ZNF143: variants seen among roughly 807,000 people sequenced by gnomAD.
ZNF143 encodes SPH-binding factor.
A neutral mutation model predicts 74.1 loss-of-function variants in ZNF143; 49 were observed. That is an observed-to-expected ratio of 0.66 (90% confidence interval 0.53 to 0.84). ZNF143 has a LOEUF of 0.84. Ranked by LOEUF, ZNF143 falls within the 40% of genes least tolerant of loss-of-function variation. The pLI is 0.00. For synonymous variants in ZNF143, 304 were observed against 282.8 expected, an observed-to-expected ratio of 1.07 and a Z score of -0.75; for missense variants, 637 against 793.4, an observed-to-expected ratio of 0.80 and a Z score of 2.37.
intron 1 of ZNF143, among the ~76,000 whole-genome samples, chr11:9,469,374 G>A (rs1038099624): frequency 6.6e-6 from 1 of 151,792 alleles, no homozygotes; most frequent in African/African-American, 2.4e-5. Flanking sequence ...TGGGATTACA[G>A]GCGTGCACCA....
At chr11:9,490,294 C>CTTTTTTTTTTTTTTTTTTTTTTTGTT in intron 7 of ZNF143, among the ~76,000 whole-genome samples, 1 of 94,016 alleles carries the variant, frequency 1.1e-5, no homozygotes, top group Non-Finnish European at 2.0e-5. Context: ...TTTTTTTTTG[C>CTTTTTTTTTTTTTTTTTTTTTTTGTT]TTTTTTTTTT....
At chr11:9,507,724 G>A (rs1848412646) in intron 11 of ZNF143, among the ~76,000 whole-genome samples, 1 of 152,138 alleles carries the variant, frequency 6.6e-6, no homozygotes, top group Non-Finnish European at 1.5e-5. Flanking sequence ...GCACTGTCTA[G>A]ATATTTTGTG....
At chr11:9,461,186 C>T (rs368774134) in intron 1 of ZNF143, 110 bp downstream of exon 1, 4 of 659,778 alleles carry the variant, frequency 6.1e-6, no homozygotes, top group African/African-American at 3.9e-5. Flanking sequence ...TCCCGCTGCT[C>T]AGCCTCCGCC....
chr11:9,491,462 C>T (rs1847772420), intron 7 of ZNF143, among the ~76,000 whole-genome samples: 1 of 151,926 alleles, frequency 6.6e-6, no homozygotes, highest in Admixed American at 6.6e-5. Flanking sequence ...CGGTGAAACC[C>T]CGTCTCTACT....
At position 9,486,423 on chromosome 11, in the gene ZNF143, T is replaced by TATATATAAA. The variant is rs1455710162; in HGVS notation, c.645+6883_645+6884insAAAATATAT. 2.6e-4 allele frequency among the ~76,000 whole-genome samples: 10 copies of TATATATAAA among 38,078 alleles called. No individual in the cohort carries two copies. The South Asian group carries it at 4.3e-3, about 16-fold the overall frequency. The allele number at this position is 38,078 out of a possible 152,430, so 25.0% of individuals were successfully genotyped here. A position where few individuals can be genotyped will look rare whatever the true frequency, so the allele number is the denominator to read the frequency against. On this transcript the variant is annotated intron_variant, in intron 7 of 15. Coordinates refer to ENST00000396602, the MANE Select transcript of ZNF143 (RefSeq NM_003442.6). ...TATATTATATATATAATATATATTA[T>TATATATAAA]ATATATTATATATATAATATATTAT...
chr11:9,464,073 CGT>C (rs770626897), intron 1 of ZNF143, among the ~76,000 whole-genome samples: 13 of 132,944 alleles, frequency 9.8e-5, no homozygotes, highest in Admixed American at 1.6e-4. Flanking sequence ...TTAGGGATGT[CGT>C]GTGTGTGTGT....
At chr11:9,488,033 G>T (rs1847629060) in intron 7 of ZNF143, among the ~76,000 whole-genome samples, 1 of 151,830 alleles carries the variant, frequency 6.6e-6, no homozygotes, top group Non-Finnish European at 1.5e-5. Context: ...CTTCTTTTGG[G>T]CTCCCTACCT....
chr11:9,476,338 A>G (rs1856888076), intron 5 of ZNF143, among the ~76,000 whole-genome samples: 1 of 152,062 alleles, frequency 6.6e-6, no homozygotes, highest in Non-Finnish European at 1.5e-5. Context: ...AATGTTACCT[A>G]TTGTTACTAC....
chr11:9,511,111 T>C (rs1848526191), intron 12 of ZNF143, among the ~76,000 whole-genome samples: 1 of 142,092 alleles, frequency 7.0e-6, no homozygotes, highest in Admixed American at 7.0e-5. Flanking sequence ...TCTTTTTTTT[T>C]TTTTTTTTTT....
At chr11:9,524,537 T>C (rs1849057153) in intron 14 of ZNF143, among the ~76,000 whole-genome samples, 1 of 152,214 alleles carries the variant, frequency 6.6e-6, no homozygotes, top group Non-Finnish European at 1.5e-5. Context: ...GCAGTTTTCA[T>C]TTTTAATCTA....
chr11:9,502,212 A>G (rs1248133440), intron 11 of ZNF143, among the ~76,000 whole-genome samples: 1 of 135,574 alleles, frequency 7.4e-6, no homozygotes. Flanking sequence ...CTGGGAATCC[A>G]GGTGTGAGCC....
intron 9 of ZNF143, 36 bp downstream of exon 9, chr11:9,496,414 AT>A: frequency 6.3e-7 from 1 of 1,579,548 alleles, no homozygotes; most frequent in Non-Finnish European, 8.7e-7. Flanking sequence ...CTTGGTTCCA[AT>A]TAGGGGTCAA....
intron 5 of ZNF143, among the ~76,000 whole-genome samples, chr11:9,476,437 A>T (rs943213598): frequency 5.9e-5 from 9 of 152,084 alleles, no homozygotes; most frequent in African/African-American, 2.2e-4. Context: ...CAGGGACACG[A>T]TCTTGGCTCA....
chr11:9,480,322 A>G (rs1847184551), intron 7 of ZNF143, among the ~76,000 whole-genome samples: 1 of 152,104 alleles, frequency 6.6e-6, no homozygotes, highest in Non-Finnish European at 1.5e-5. Flanking sequence ...TCATTGTAGT[A>G]CATTCCTGCT....
At chr11:9,463,580 G>A (rs1856003234) in intron 1 of ZNF143, among the ~76,000 whole-genome samples, 1 of 152,182 alleles carries the variant, frequency 6.6e-6, no homozygotes, top group Non-Finnish European at 1.5e-5. Flanking sequence ...AATCATTGGA[G>A]AAATGTCTGT....
chr11:9,518,292 AAAC>A (rs1229435480), intron 14 of ZNF143, among the ~76,000 whole-genome samples: 2 of 152,232 alleles, frequency 1.3e-5, no homozygotes, highest in African/African-American at 2.4e-5. Flanking sequence ...ACTGGTGAGG[AAAC>A]AACCACCACC....
At chr11:9,483,490 G>T (rs970451243) in intron 7 of ZNF143, among the ~76,000 whole-genome samples, 1 of 149,068 alleles carries the variant, frequency 6.7e-6, no homozygotes, top group Non-Finnish European at 1.5e-5. Context: ...TAGAGACAGG[G>T]TTTTACCATG....
Position 9,512,155 on chromosome 11 carries a change from C to A in ZNF143, c.1376-293C>A, listed in dbSNP as rs115273114. ...GTTCCTCCCCTCTCCGCCCCTAATA[C>A]ACATATAGTATCAAGTAATTACTCC... On this transcript the variant is annotated intron_variant, in intron 12 of 15. Coordinates refer to ENST00000396602, the MANE Select transcript of ZNF143 (RefSeq NM_003442.6). Among the ~76,000 whole-genome samples the A allele has an allele frequency of 5.0e-3, 759 of 152,222 alleles. 9 individuals carry two copies. Among genetic ancestry groups the A allele is most frequent in the African/African-American group, 0.017 (719 of 41,520 alleles).
chr11:9,508,761 C>T lies in ZNF143; in HGVS notation c.1290C>T (p.Ser430=). 3.1e-6 allele frequency: 5 copies of T among 1,613,112 alleles called. No homozygotes were observed. Among genetic ancestry groups the T allele is most frequent in the Non-Finnish European group, 4.2e-6 (5 of 1,179,526 alleles). ...GTGGGAAGACATACAAGCAGATCTC[C>T]ACGCTGGCCATGCACAAACGGACAG... ...NHCGKTYKQI[S]TLAMHKRTAH... is the part of the protein sequence containing the mutation. Residue 430 remains serine, a synonymous_variant, in exon 12 of 16, where the codon TCC becomes TCT. Coordinates refer to ENST00000396602, the MANE Select transcript of ZNF143 (RefSeq NM_003442.6).
Sources: allele counts gnomAD v4.1 joint callset (sites outside exome capture counted in the v4.1 genomes callset), GRCh38; gene constraint gnomAD v4.1.1; transcripts MANE v1.5; gene names NCBI Gene and HGNC (gene_info 2026-07-23, HGNC 2026-07-21).